Variants in PEPD observed in about 807,000 individuals in gnomAD.
PEPD encodes peptidase D.
PEPD carries 53 observed loss-of-function variants against 60.7 expected under a neutral mutation model. The observed-to-expected ratio is 0.87, with a 90% CI of 0.70 to 1.10. The LOEUF is 1.10. Ranked by LOEUF, PEPD falls within the 50% of genes least tolerant of loss-of-function variation. PEPD has a pLI of 0.00. For synonymous variants in PEPD, 267 were observed against 284.1 expected (o/e 0.94, Z 0.60); for missense variants, 711 against 711.9 (o/e 1.00, Z 0.01).
chr19:33,455,582 C>T lies in PEPD; in HGVS notation c.671+7413G>A, dbSNP rs960539624. Among the ~76,000 whole-genome samples, 4 of 151,748 alleles carry T rather than the reference C, an allele frequency of 2.6e-5. No homozygotes were observed. In the East Asian group the frequency reaches 5.8e-4, roughly 22 times the overall value. The stretch of plus-strand genomic sequence containing the variant: ...CAGTGGTGTGATCATAGCTAACTGC[C>T]GCCTTGGCTTCCTGGGCTCAAGCAA... On this transcript the variant is annotated intron_variant, in intron 9 of 14. Transcript: ENST00000244137.
At chr19:33,466,247 T>G (rs956475567) in intron 7 of PEPD, among the ~76,000 whole-genome samples, 1 of 152,194 alleles carries the variant, frequency 6.6e-6, no homozygotes. Flanking sequence ...ATTAAAACTC[T>G]AGGAACAACA....
At chr19:33,439,867 A>C (rs753270008) in intron 9 of PEPD, among the ~76,000 whole-genome samples, 5 of 152,100 alleles carry the variant, frequency 3.3e-5, no homozygotes, top group Non-Finnish European at 1.5e-5. Context: ...CAAACTTTCC[A>C]AGGTGGGGTT....
chr19:33,442,323 C>T (rs1406891580), intron 9 of PEPD, among the ~76,000 whole-genome samples: 2 of 151,718 alleles, frequency 1.3e-5, no homozygotes, highest in Non-Finnish European at 2.9e-5. Context: ...AGAAGAATTG[C>T]TTGAACCCGG....
intron 9 of PEPD, among the ~76,000 whole-genome samples, chr19:33,439,192 A>G (rs1256465384): frequency 1.3e-5 from 2 of 152,216 alleles, no homozygotes; most frequent in African/African-American, 4.8e-5. Context: ...TGCGACGTGG[A>G]CAGGGCTCCC....
intron 9 of PEPD, among the ~76,000 whole-genome samples, chr19:33,462,562 A>G (rs1969945425): frequency 6.6e-6 from 1 of 152,236 alleles, no homozygotes; most frequent in Non-Finnish European, 1.5e-5. Context: ...CAGAAGGCCA[A>G]TGGAGCTCTC....
intron 12 of PEPD, among the ~76,000 whole-genome samples, chr19:33,398,639 T>A (rs999535101): frequency 6.6e-6 from 1 of 152,236 alleles, no homozygotes; most frequent in Non-Finnish European, 1.5e-5. Flanking sequence ...TGACTAGTGG[T>A]ATTTAAAACT....
intron 9 of PEPD, among the ~76,000 whole-genome samples, chr19:33,461,733 C>T (rs976166121): frequency 2.6e-5 from 4 of 152,312 alleles, no homozygotes; most frequent in South Asian, 2.1e-4. Flanking sequence ...ATCCTCGGAG[C>T]GGGCAGGGGG....
intron 4 of PEPD, chr19:33,493,570 C>T (rs1287654223): frequency 2.3e-5 from 14 of 609,504 alleles, no homozygotes; most frequent in East Asian, 8.7e-5. Context: ...ACACCTGGCT[C>T]GCTTCCCACC....
At position 33,387,979 on chromosome 19, in the gene PEPD, C is replaced by T. The variant is rs559002568; in HGVS notation, c.1255G>A (p.Asp419Asn). The change falls in exon 14 of 15, where the codon GAC becomes AAC. Residue 419 changes from aspartate (D) to asparagine (N), a missense_variant. Transcript: ENST00000244137. ...GCCAGGGCCTCATCCAGGAGGTGGT[C>T]GATGAAGTAGATGCCCGGCTCCACG... Reference protein sequence around the residue: ...LTVEPGIYFIDHLLDEALADP... With the variant: ...LTVEPGIYFINHLLDEALADP... 4.7e-5 allele frequency: 75 copies of T among 1,593,166 alleles called. No individual in the cohort carries two copies. Among genetic ancestry groups the T allele is most frequent in the South Asian group, 3.0e-4 (26 of 87,820 alleles).
chr19:33,519,169 T>C (rs1600182293), intron 1 of PEPD, among the ~76,000 whole-genome samples: 1 of 152,162 alleles, frequency 6.6e-6, no homozygotes, highest in Non-Finnish European at 1.5e-5. Flanking sequence ...CATGAGGGGA[T>C]GGGAGGTGAC....
At chr19:33,475,835 T>C (rs1306041104) in intron 7 of PEPD, among the ~76,000 whole-genome samples, 4 of 152,150 alleles carry the variant, frequency 2.6e-5, no homozygotes, top group Non-Finnish European at 4.4e-5. Flanking sequence ...ATGAATCATT[T>C]GCCTTTTACG....
chr19:33,400,804 GT>G (rs1242782353), intron 12 of PEPD, among the ~76,000 whole-genome samples: 1 of 152,226 alleles, frequency 6.6e-6, no homozygotes, highest in African/African-American at 2.4e-5. Flanking sequence ...CTGGGAAATG[GT>G]TTCTATTGTT....
intron 3 of PEPD, 121 bp from the exon 4 acceptor site, chr19:33,501,122 C>T: frequency 1.3e-6 from 1 of 743,902 alleles, no homozygotes. Context: ...CGGTCAGCAC[C>T]CAGCACCCAG....
chr19:33,508,517 C>A (rs1297227718), intron 3 of PEPD, among the ~76,000 whole-genome samples: 1 of 152,210 alleles, frequency 6.6e-6, no homozygotes, highest in Non-Finnish European at 1.5e-5. Context: ...TGGACCGAGC[C>A]CCGAGAGGAC....
intron 4 of PEPD, among the ~76,000 whole-genome samples, chr19:33,495,054 T>G (rs1970574810): frequency 6.6e-6 from 1 of 151,650 alleles, no homozygotes; most frequent in Non-Finnish European, 1.5e-5. Flanking sequence ...GAGAATGGCA[T>G]GAACCCAGGA....
chr19:33,481,803 A>G (rs1288571072), intron 6 of PEPD, among the ~76,000 whole-genome samples: 1 of 152,022 alleles, frequency 6.6e-6, no homozygotes, highest in Non-Finnish European at 1.5e-5. Flanking sequence ...CAGAGGTGGG[A>G]GAATGGCTTG....
chr19:33,504,753 CTG>C (rs1568506702), intron 3 of PEPD, among the ~76,000 whole-genome samples: 1 of 151,102 alleles, frequency 6.6e-6, no homozygotes, highest in Non-Finnish European at 1.5e-5. Flanking sequence ...GATCAAAACT[CTG>C]TCTCAAAAAA....
At chr19:33,512,505 C>T in intron 2 of PEPD, 88 bp downstream of exon 2, 2 of 1,289,564 alleles carry the variant, frequency 1.6e-6, no homozygotes, top group Non-Finnish European at 2.2e-6. Flanking sequence ...CAAGGGGCAG[C>T]ACTGGCCAAG....
At chr19:33,435,776 C>T (rs924856913) in intron 9 of PEPD, among the ~76,000 whole-genome samples, 3 of 152,184 alleles carry the variant, frequency 2.0e-5, no homozygotes, top group African/African-American at 4.8e-5. Flanking sequence ...GGGCAGAGGC[C>T]GTGCAGCCCA....
Sources: allele counts gnomAD v4.1 joint callset (sites outside exome capture counted in the v4.1 genomes callset), GRCh38; gene constraint gnomAD v4.1.1; transcripts MANE v1.5; gene names NCBI Gene and HGNC (gene_info 2026-07-23, HGNC 2026-07-21).